Variants in ZNF638 observed in about 807,000 individuals in gnomAD.
ZNF638 encodes the protein zinc finger protein 638.
Under a neutral mutation model 195.6 loss-of-function variants are expected in ZNF638, and 46 were observed. The observed-to-expected ratio is 0.24, with a 90% CI of 0.19 to 0.30. The LOEUF (loss-of-function observed/expected upper bound fraction) is 0.30, where lower values mean the gene tolerates loss of function less well. ZNF638 is among the 10% of genes least tolerant of loss of function. The pLI is 1.00. For synonymous variants in ZNF638, 845 were observed against 772.0 expected, an observed-to-expected ratio of 1.09 and a Z score of -1.57; for missense variants, 2,440 against 2,325.3, an observed-to-expected ratio of 1.05 and a Z score of -1.01.
intron 1 of ZNF638, among the ~76,000 whole-genome samples, chr2:71,344,046 C>A (rs974030732): frequency 2.0e-5 from 3 of 152,198 alleles, no homozygotes; most frequent in Admixed American, 1.3e-4. Context: ...AGGAGAATTG[C>A]TTGAACCTGG....
intron 10 of ZNF638, among the ~76,000 whole-genome samples, chr2:71,384,183 C>A (rs774479279): frequency 6.6e-6 from 1 of 152,164 alleles, no homozygotes; most frequent in Non-Finnish European, 1.5e-5. Context: ...ATATGTAGCT[C>A]CATCATGCCT....
chr2:71,411,474 AT>A (rs537942317), intron 20 of ZNF638, among the ~76,000 whole-genome samples: 5,752 of 122,726 alleles, frequency 0.047, 213 homozygotes, highest in African/African-American at 0.11. Flanking sequence ...TTTATTTTTA[AT>A]TTTTTTTTTT....
At chr2:71,338,311 T>C (rs1349928186) in intron 1 of ZNF638, among the ~76,000 whole-genome samples, 1 of 152,246 alleles carries the variant, frequency 6.6e-6, no homozygotes, top group Non-Finnish European at 1.5e-5. Flanking sequence ...TAGTAGGTAC[T>C]CAGCACTCTA....
At chr2:71,332,172 C>T (rs908284844) in intron 1 of ZNF638, among the ~76,000 whole-genome samples, 2 of 152,234 alleles carry the variant, frequency 1.3e-5, no homozygotes, top group East Asian at 3.9e-4. Context: ...GACGCCGTTG[C>T]ACTGGGCCGA....
At chr2:71,377,646 G>GT (rs2079456180) in intron 8 of ZNF638, among the ~76,000 whole-genome samples, 4 of 152,222 alleles carry the variant, frequency 2.6e-5, no homozygotes, top group Admixed American at 2.6e-4. Context: ...AGAAGATGCA[G>GT]TGGTGAGCAA....
intron 1 of ZNF638, among the ~76,000 whole-genome samples, chr2:71,332,145 C>G (rs946225200): frequency 2.6e-5 from 4 of 152,214 alleles, no homozygotes; most frequent in Non-Finnish European, 5.9e-5. Context: ...AGGACCCTGC[C>G]TCGAGAAGAG....
In ZNF638 at chr2:71,434,709, T is replaced by G. The variant is rs946807742; in HGVS notation, c.5872-33T>G. Reference sequence around the variant, plus strand: ...GCACACATAGCAAAATAACGTCTAATAAGTATTTTATATTGCAAATTGCTT... The same window carrying G: ...GCACACATAGCAAAATAACGTCTAAGAAGTATTTTATATTGCAAATTGCTT... On this transcript the variant is annotated intron_variant, in intron 27 of 27. Transcript: ENST00000264447. 2.5e-6 allele frequency: 4 copies of G among 1,579,152 alleles called. No homozygotes were observed. The Admixed American group carries it at 5.1e-5, about 20-fold the overall frequency.
intron 7 of ZNF638, 32 bp downstream of exon 7, chr2:71,368,560 A>G (rs746390430): frequency 6.2e-7 from 1 of 1,606,810 alleles, no homozygotes; most frequent in South Asian, 1.1e-5. Context: ...AAAAATTCAT[A>G]CAAAGTGATT....
intron 1 of ZNF638, among the ~76,000 whole-genome samples, chr2:71,338,333 C>T (rs2078706916): frequency 6.6e-6 from 1 of 152,200 alleles, no homozygotes; most frequent in Admixed American, 6.5e-5. Context: ...AAGAGCTTCC[C>T]TTCTTCCGCA....
Position 71,396,261 on chromosome 2 carries a change from T to C in ZNF638, c.2428+70T>C, listed in dbSNP as rs1324130568. On this transcript the variant is annotated intron_variant, in intron 11 of 27. Transcript: ENST00000264447. Reference sequence around the variant, plus strand: ...AATGTATTTTAAAATCGTATGGCAGTAGTAGTCTTGGATTTCACATGACAT... The same window carrying C: ...AATGTATTTTAAAATCGTATGGCAGCAGTAGTCTTGGATTTCACATGACAT... 4.6e-6 allele frequency: 6 copies of C among 1,294,864 alleles called. No homozygotes were observed. The African/African-American group carries it at 7.4e-5, about 16-fold the overall frequency. The allele number at this position is 1,294,864 out of a possible 1,614,324, so 80.2% of individuals were successfully genotyped here.
At chr2:71,394,623 C>G (rs934427829) in intron 10 of ZNF638, among the ~76,000 whole-genome samples, 2 of 152,094 alleles carry the variant, frequency 1.3e-5, no homozygotes, top group Non-Finnish European at 2.9e-5. Flanking sequence ...CAGTTTGATA[C>G]ACGATTGGCA....
At chr2:71,347,327 A>C (rs1040352472) in intron 1 of ZNF638, among the ~76,000 whole-genome samples, 1 of 152,206 alleles carries the variant, frequency 6.6e-6, no homozygotes, top group Admixed American at 6.5e-5. Flanking sequence ...GTGTGGTGAA[A>C]ATGTCCTTTT....
chr2:71,341,440 A>G (rs750964944), intron 1 of ZNF638, among the ~76,000 whole-genome samples: 1 of 152,164 alleles, frequency 6.6e-6, no homozygotes. Flanking sequence ...CTAATTTTGT[A>G]CAGTGTTTAA....
chr2:71,375,640 T>TA (rs1443312061), intron 8 of ZNF638: 1 of 152,186 alleles, frequency 6.6e-6, no homozygotes, highest in Non-Finnish European at 1.5e-5. Context: ...TTTAAGAACT[T>TA]AAACTTTATC....
At position 71,408,193 on chromosome 2, in the gene ZNF638, T is replaced by G; in HGVS notation, c.3207T>G (p.Asn1069Lys). 1 of 1,613,408 alleles carries G rather than the reference T, an allele frequency of 6.2e-7. No homozygotes were observed. The highest frequency in any genetic ancestry group is 8.5e-7 in the Non-Finnish European group (1 of 1,179,588). Residue 1069 changes from asparagine (N) to lysine (K), a missense_variant, in exon 20 of 28, where the codon AAT (asparagine) becomes AAG (lysine). Asn to Lys is a moderately conservative substitution (Grantham distance 94, BLOSUM62 0). Transcript: ENST00000264447. The part of the protein sequence containing the change: ...MYSFLKQNPQ[N>K]IGDHMLTCSL... The stretch of plus-strand genomic sequence containing the variant: ...GCTTTCTGAAACAAAATCCACAAAA[T>G]ATTGGTGACCATATGTTGACCTGCT...
chr2:71,411,477 T>TG (rs1480889898), intron 20 of ZNF638, among the ~76,000 whole-genome samples: 1 of 145,044 alleles, frequency 6.9e-6, no homozygotes, highest in Non-Finnish European at 1.5e-5. Flanking sequence ...ATTTTTAATT[T>TG]TTTTTTTTTT....
intron 6 of ZNF638, among the ~76,000 whole-genome samples, chr2:71,366,328 C>G (rs1014955496): frequency 6.6e-6 from 1 of 151,230 alleles, no homozygotes; most frequent in Non-Finnish European, 1.5e-5. Context: ...CCACTGCACT[C>G]CAGCCTGAAC....
chr2:71,363,230 G>A (rs934072804), intron 4 of ZNF638, 39 bp downstream of exon 4: 6 of 1,422,606 alleles, frequency 4.2e-6, no homozygotes, highest in Admixed American at 2.0e-5. Flanking sequence ...AAACCTGATT[G>A]TCTTTTAAAA....
At position 71,365,335 on chromosome 2, in the gene ZNF638, T is replaced by C. The variant is rs1483002172; in HGVS notation, c.1718-94T>C. The C allele has an allele frequency of 1.3e-5, 14 of 1,042,306 alleles. No homozygotes were observed. In the African/African-American group the frequency reaches 1.5e-4, roughly 11 times the overall value. 64.6% of individuals were successfully genotyped at this position (1,042,306 alleles called of 1,614,324 possible). On this transcript the variant is annotated intron_variant, in intron 5 of 27. Coordinates refer to ENST00000264447, the MANE Select transcript of ZNF638 (RefSeq NM_014497.5). ...TTTTGTATTGTCTGTGTGCTCCCTGTTTAGCTTGAGAATAGCACTATGTGA... is the reference window on the plus strand; with the variant it reads ...TTTTGTATTGTCTGTGTGCTCCCTGCTTAGCTTGAGAATAGCACTATGTGA...
Sources: gnomAD v4.1 joint callset for allele counts (sites outside exome capture counted in the v4.1 genomes callset) on GRCh38, gnomAD v4.1.1 for gene constraint, MANE v1.5 for transcripts, NCBI Gene and HGNC (gene_info 2026-07-23, HGNC 2026-07-21) for gene names.